Variants in SYNE2 observed in about 807,000 individuals in gnomAD.
The protein encoded by SYNE2 is spectrin repeat containing nuclear envelope protein 2.
A neutral mutation model predicts 856.3 loss-of-function variants in SYNE2; 431 were observed. That is an observed-to-expected ratio of 0.50 (90% CI 0.47 to 0.55). SYNE2 has a LOEUF of 0.55. Ranked by LOEUF, SYNE2 falls within the 20% of genes least tolerant of loss-of-function variation. The probability of loss-of-function intolerance (pLI) is 0.00; values close to 1 mark genes in which losing one functional copy is unlikely to be tolerated. For missense variants in SYNE2, 8,129 were observed against 8,023.2 expected (o/e 1.01, Z -0.50); for synonymous variants, 2,923 against 2,872.3 (o/e 1.02, Z -0.56).
intron 45 of SYNE2, among the ~76,000 whole-genome samples, chr14:64,032,757 A>T (rs8009887): frequency 0.037 from 5,687 of 152,234 alleles, 364 homozygotes; most frequent in African/African-American, 0.13. Flanking sequence ...TTTTTAGTAG[A>T]AGATGGGGTT....
At chr14:63,769,324 C>G (rs1194532254) in intron 1 of SYNE2, among the ~76,000 whole-genome samples, 1 of 152,060 alleles carries the variant, frequency 6.6e-6, no homozygotes, top group Non-Finnish European at 1.5e-5. Context: ...CCTGTAATCC[C>G]AGCACTTTGG....
chr14:63,769,730 A>G lies in SYNE2; in HGVS notation c.-305+7744A>G, dbSNP rs1355383685. ...GAAACCCTGTCTCTAAAAAAAAAAA[A>G]AAAGAAAGAAAAAGAAAAATCAGCT... On this transcript the variant is annotated intron_variant, in intron 1 of 23. Transcript: ENST00000674003. Among the ~76,000 whole-genome samples, 104 of 151,182 alleles carry G rather than the reference A, an allele frequency of 6.9e-4. 1 individual carries two copies. Among genetic ancestry groups the G allele is most frequent in the Admixed American group, 3.6e-3 (54 of 15,150 alleles).
chr14:64,008,427 C>A (rs2096816998), intron 31 of SYNE2, among the ~76,000 whole-genome samples: 1 of 152,204 alleles, frequency 6.6e-6, no homozygotes, highest in African/African-American at 2.4e-5. Context: ...GAGATGTTGC[C>A]TGTCAATAAC....
At chr14:63,851,163 C>G (rs534877763), upstream of SYNE2, among the ~76,000 whole-genome samples, 13 of 152,162 alleles carry the variant, frequency 8.5e-5, no homozygotes, top group Non-Finnish European at 1.3e-4. Context: ...GAGTTCAAGA[C>G]CAGCCTGGCC....
intron 79 of SYNE2, among the ~76,000 whole-genome samples, chr14:64,138,923 TGTGTGTGTGTGTGTGTATGTATG>T (rs1386188790): frequency 4.8e-4 from 69 of 145,166 alleles, no homozygotes; most frequent in Admixed American, 2.4e-3. Flanking sequence ...TGTGTGTGTG[TGTGTGTGTGTGTGTGTATGTATG>T]GTGTGTGTGT....
At chr14:64,219,145 A>G in intron 109 of SYNE2, 63 bp from the exon 110 acceptor site, 2 of 1,179,392 alleles carry the variant, frequency 1.7e-6, no homozygotes. Flanking sequence ...ACCCCTAATT[A>G]GCTGGAGGCA....
chr14:64,092,286 C>G (rs1450563595), intron 60 of SYNE2, among the ~76,000 whole-genome samples: 1 of 152,100 alleles, frequency 6.6e-6, no homozygotes, highest in Non-Finnish European at 1.5e-5. Context: ...CTATGCTGCT[C>G]AAATTTTCCA....
Position 64,080,438 on chromosome 14 carries a change from T to TA in SYNE2, c.11164-17dup. 1 of 1,613,976 alleles carries TA rather than the reference T, an allele frequency of 6.2e-7. No homozygotes were observed. Among genetic ancestry groups the TA allele is most frequent in the Non-Finnish European group, 8.5e-7 (1 of 1,179,922 alleles). On this transcript the variant is annotated splice_polypyrimidine_tract_variant and intron_variant, in intron 55 of 115. Transcript: ENST00000555002. ...TATGACCTCTTCATTCAAGTTGACTTACGATTTCCTTCTCCAGAAAATGTG... is the reference window on the plus strand; with the variant it reads ...TATGACCTCTTCATTCAAGTTGACTTAACGATTTCCTTCTCCAGAAAATGTG...
chr14:63,824,185 C>G (rs778842095), intron 1 of SYNE2, among the ~76,000 whole-genome samples: 5 of 151,834 alleles, frequency 3.3e-5, no homozygotes, highest in Non-Finnish European at 7.4e-5. Context: ...CAAAAAATAC[C>G]AAAGTTAGCC....
At chr14:64,098,177 C>G in intron 62 of SYNE2, 31 bp downstream of exon 62, 1 of 1,608,974 alleles carries the variant, frequency 6.2e-7, no homozygotes, top group Non-Finnish European at 8.5e-7. Flanking sequence ...ATGCTGGCCC[C>G]ACACTCCACA....
At chr14:64,180,429 C>T (rs1349715838) in intron 96 of SYNE2, among the ~76,000 whole-genome samples, 1 of 151,858 alleles carries the variant, frequency 6.6e-6, no homozygotes, top group Non-Finnish European at 1.5e-5. Flanking sequence ...TTTTAGTATT[C>T]CTGCTCATGC....
intron 8 of SYNE2, chr14:63,960,685 G>T: frequency 1.4e-6 from 1 of 732,460 alleles, no homozygotes; most frequent in South Asian, 1.4e-5. Context: ...TTTTGTCTGT[G>T]ACATATTGCA....
At chr14:63,932,763 G>A (rs893756223) in intron 2 of SYNE2, among the ~76,000 whole-genome samples, 1 of 152,212 alleles carries the variant, frequency 6.6e-6, no homozygotes, top group African/African-American at 2.4e-5. Context: ...TATAATAAAT[G>A]ATGATAGAAT....
Position 64,113,300 on chromosome 14 carries a change from A to T in SYNE2, c.12610-41A>T, listed in dbSNP as rs200922066. The T allele has an allele frequency of 3.0e-5, 49 of 1,612,390 alleles. No individual in the cohort carries two copies. In the African/African-American group the frequency reaches 6.1e-4, roughly 20 times the overall value. On this transcript the variant is annotated intron_variant, in intron 65 of 115. Transcript: ENST00000555002. ...CCAGGTCTTTGCAGGCCCAAGTCTG[A>T]AAACTTTGGACTCCCTGGCTTATCT...
chr14:64,158,438 C>T (rs915505502), intron 85 of SYNE2, among the ~76,000 whole-genome samples, 187 bp from the exon 86 acceptor site: 4 of 152,182 alleles, frequency 2.6e-5, no homozygotes, highest in Non-Finnish European at 5.9e-5. Flanking sequence ...TTCATTCACT[C>T]ATTATAAAAC....
At chr14:63,947,892 C>T (rs1232734212) in intron 6 of SYNE2, among the ~76,000 whole-genome samples, 1 of 152,110 alleles carries the variant, frequency 6.6e-6, no homozygotes, top group African/African-American at 2.4e-5. Flanking sequence ...GTGTCACCTT[C>T]ACACGTGAAG....
intron 96 of SYNE2, among the ~76,000 whole-genome samples, chr14:64,183,847 G>C (rs1219257266): frequency 6.6e-6 from 1 of 151,862 alleles, no homozygotes; most frequent in Admixed American, 6.6e-5. Context: ...GGAGGTTGCA[G>C]TGAGGCCAGA....
Position 63,912,155 on chromosome 14 carries a change from G to T in SYNE2, c.79+2928G>T, listed in dbSNP as rs182282432. ...AAGTTCCCATACCTATAAGATGAAG[G>T]CTTTACGGCGAAATGAATAGATTTC... On this transcript the variant is annotated intron_variant, in intron 2 of 115. Coordinates refer to ENST00000555002, the MANE Select transcript of SYNE2 (RefSeq NM_182914.3). 2.6e-5 allele frequency among the ~76,000 whole-genome samples: 4 copies of T among 152,184 alleles called. No individual in the cohort carries two copies. The East Asian group carries it at 5.8e-4, about 22-fold the overall frequency.
intron 87 of SYNE2, among the ~76,000 whole-genome samples, chr14:64,161,295 G>T (rs1341109754): frequency 6.6e-6 from 1 of 151,392 alleles, no homozygotes; most frequent in Non-Finnish European, 1.5e-5. Context: ...AGTGAGCTGA[G>T]ATTGCACCAC....
Sources: gnomAD v4.1 joint callset for allele counts (sites outside exome capture counted in the v4.1 genomes callset) on GRCh38, gnomAD v4.1.1 for gene constraint, MANE v1.5 for transcripts, NCBI Gene and HGNC (gene_info 2026-07-23, HGNC 2026-07-21) for gene names.